The following CEP295 variants were observed in gnomAD, a reference collection of about 807,000 sequenced individuals.
CEP295 encodes the protein centrosomal protein of 295 kDa.
A neutral mutation model predicts 291.6 loss-of-function variants in CEP295; 190 were observed. That is an observed-to-expected ratio of 0.65 (90% CI 0.58 to 0.73). CEP295 has a LOEUF of 0.73. Among genes scored for constraint, CEP295 ranks in the 30% least tolerant of loss-of-function variants. CEP295 has a pLI of 0.00. For missense variants in CEP295, 2,863 were observed against 2,949.4 expected (o/e 0.97, Z 0.68); for synonymous variants, 993 against 1,038.8 (o/e 0.96, Z 0.85).
chr11:93,680,442 C>G (rs917728828), intron 7 of CEP295, among the ~76,000 whole-genome samples: 1 of 151,860 alleles, frequency 6.6e-6, no homozygotes, highest in Non-Finnish European at 1.5e-5. Context: ...CTGTCTTTAC[C>G]AAAATTCCAA....
intron 18 of CEP295, among the ~76,000 whole-genome samples, chr11:93,717,369 G>T (rs545187663): frequency 6.6e-6 from 1 of 152,184 alleles, no homozygotes; most frequent in East Asian, 1.9e-4. Flanking sequence ...AAAGCTGAGC[G>T]TCTGACCTGT....
intron 15 of CEP295, among the ~76,000 whole-genome samples, chr11:93,701,819 G>T (rs1952181091): frequency 6.6e-6 from 1 of 151,996 alleles, no homozygotes; most frequent in South Asian, 2.1e-4. Context: ...GCCCAGGCTG[G>T]TTTCAATCTC....
chr11:93,684,136 C>T lies in CEP295; in HGVS notation c.1114+8C>T. 3 of 1,548,086 alleles carry T rather than the reference C, an allele frequency of 1.9e-6. No individual in the cohort carries two copies. The highest frequency in any genetic ancestry group is 2.4e-5 in the East Asian group (1 of 40,866). On this transcript the variant is annotated splice_region_variant and intron_variant, in intron 9 of 29. Transcript: ENST00000325212. ...GTTCTAGTGAAACAGATGGTAAAAA[C>T]CCTTCTGAGCTAAATATTACAGTAT...
In CEP295 at chr11:93,725,748, T is replaced by G; in HGVS notation, c.6416T>G (p.Leu2139Arg). The change falls in exon 23 of 30, where the codon CTT becomes CGT. Residue 2139 changes from leucine to arginine, a missense_variant. Physicochemically the swap from Leu to Arg is moderately radical, Grantham distance 102. Coordinates refer to ENST00000325212, the MANE Select transcript of CEP295 (RefSeq NM_033395.2). Reference sequence around the variant, plus strand: ...AGGAGGACCAGCATGCATTCTTCTCTTAACACAAGTCCGAATCAACAACCT... The same window carrying G: ...AGGAGGACCAGCATGCATTCTTCTCGTAACACAAGTCCGAATCAACAACCT... ...ALRRTSMHSSLNTSPNQQPDT... is the reference protein window; with the variant it reads ...ALRRTSMHSSRNTSPNQQPDT... 6.4e-7 allele frequency: 1 copy of G among 1,551,832 alleles called. No individual in the cohort carries two copies. Among genetic ancestry groups the G allele is most frequent in the Non-Finnish European group, 8.7e-7 (1 of 1,147,002 alleles).
intron 11 of CEP295, 40 bp from the exon 12 acceptor site, chr11:93,691,887 A>G (rs1192907164): frequency 1.4e-6 from 2 of 1,394,102 alleles, no homozygotes; most frequent in African/African-American, 2.9e-5. Flanking sequence ...TCAAAATTCT[A>G]AATTATTGAA....
At position 93,697,600 on chromosome 11, in the gene CEP295, A is replaced by G; in HGVS notation, c.2688A>G (p.Ser896=). ...SVFLPLVTPD[S]SALLPSAKAD... ...TCCTTCCCTTGGTAACTCCAGATTC[A>G]TCTGCTTTATTGCCTTCTGCCAAAG... The change falls in exon 15 of 30, where the codon TCA becomes TCG. Residue 896 remains serine, a synonymous_variant. Transcript: ENST00000325212. 2 of 1,551,850 alleles carry G rather than the reference A, an allele frequency of 1.3e-6. No individual in the cohort carries two copies. The highest frequency in any genetic ancestry group is 1.2e-5 in the South Asian group (1 of 84,064).
intron 2 of CEP295, 67 bp from the exon 3 acceptor site, chr11:93,667,539 CA>C: frequency 8.6e-7 from 1 of 1,162,926 alleles, no homozygotes; most frequent in Non-Finnish European, 1.2e-6. Context: ...TTCCTCTTTC[CA>C]AATAGCTTTT....
Position 93,698,517 on chromosome 11 carries a change from C to T in CEP295, c.3605C>T (p.Thr1202Ile). 2 of 1,552,088 alleles carry T rather than the reference C, an allele frequency of 1.3e-6. No individual in the cohort carries two copies. The highest frequency in any genetic ancestry group is 1.2e-5 in the South Asian group (1 of 84,062). ...ELEKRISSEQ[T>I]GTSSSLSQVD... ...GAGAAAAGAATTTCTTCTGAACAGA[C>T]TGGCACCTCCTCATCCCTTTCCCAG... Residue 1202 changes from threonine to isoleucine, a missense_variant, in exon 15 of 30, where the codon ACT (threonine) becomes ATT (isoleucine). Physicochemically the swap from Thr to Ile is moderately conservative, Grantham distance 89. This residue lies in a region of CEP295 where 2,295 missense variants were observed against 2,335.7 expected (regional missense o/e 0.98). Transcript: ENST00000325212.
At chr11:93,729,994 T>C in intron 28 of CEP295, 25 bp downstream of exon 28, 2 of 1,492,368 alleles carry the variant, frequency 1.3e-6, no homozygotes, top group South Asian at 1.3e-5. Context: ...TTTTTTTTTT[T>C]TAGTGATTCA....
chr11:93,696,833 A>C lies in CEP295; in HGVS notation c.1921A>C (p.Ile641Leu). Residue 641 changes from isoleucine (I) to leucine (L), a missense_variant, in exon 15 of 30, where the codon ATA (isoleucine) becomes CTA (leucine). This residue lies in a region of CEP295 where 2,295 missense variants were observed against 2,335.7 expected (regional missense o/e 0.98). Coordinates refer to ENST00000325212, the MANE Select transcript of CEP295 (RefSeq NM_033395.2). The stretch of plus-strand genomic sequence containing the variant: ...ATGGAAATCTGAGAGACCGACTGCT[A>C]TATCAGAGCATTGGGATCAAGGTCA... ...PSWKSERPTA[I>L]SEHWDQGQRL... 1 of 1,551,724 alleles carries C rather than the reference A, an allele frequency of 6.4e-7. No individual in the cohort carries two copies. The highest frequency in any genetic ancestry group is 8.7e-7 in the Non-Finnish European group (1 of 1,146,980).
intron 1 of CEP295, among the ~76,000 whole-genome samples, chr11:93,663,513 T>A (rs990920206): frequency 1.1e-4 from 17 of 152,194 alleles, no homozygotes; most frequent in African/African-American, 4.1e-4. Context: ...TAGACATTAG[T>A]GTGATAATTG....
At chr11:93,707,221 A>G (rs1952564073) in intron 18 of CEP295, among the ~76,000 whole-genome samples, 1 of 152,314 alleles carries the variant, frequency 6.6e-6, no homozygotes, top group South Asian at 2.1e-4. Flanking sequence ...TAAAAATTCT[A>G]TCTGTGGGCA....
Position 93,685,949 on chromosome 11 carries a change from C to T in CEP295, c.1115-1695C>T, listed in dbSNP as rs1165364971. Among the ~76,000 whole-genome samples, 4 of 151,778 alleles carry T rather than the reference C, an allele frequency of 2.6e-5. No homozygotes were observed. The East Asian group carries it at 8.0e-4, about 30-fold the overall frequency. On this transcript the variant is annotated intron_variant, in intron 9 of 29. Transcript: ENST00000325212. ...TGGTCTCGAACTCCTGACCTTGTGA[C>T]CCGCCCACCTCTGCCTCCCAAAGTG...
At chr11:93,683,305 C>A (rs116867251) in intron 7 of CEP295, among the ~76,000 whole-genome samples, 4,181 of 152,316 alleles carry the variant, frequency 0.027, 70 homozygotes, top group Middle Eastern at 0.062. Flanking sequence ...ATTGTACTTA[C>A]TAACATAACA....
In CEP295 at chr11:93,697,731, C is replaced by A; in HGVS notation, c.2819C>A (p.Ser940Ter). 6.4e-7 allele frequency: 1 copy of A among 1,551,664 alleles called. No individual in the cohort carries two copies. Among genetic ancestry groups the A allele is most frequent in the South Asian group, 1.2e-5 (1 of 84,040 alleles). ...SQLQDKRLSL[S>*]QPILSQQNNF... The stretch of plus-strand genomic sequence containing the variant: ...CTTCAGGATAAGCGTTTGAGTCTTT[C>A]ACAGCCTATCCTATCACAGCAAAAT... Residue 940 changes from serine (S) to a stop codon, truncating the protein, a stop_gained, in exon 15 of 30, where the codon TCA (serine) becomes TAA (stop). Coordinates refer to ENST00000325212, the MANE Select transcript of CEP295 (RefSeq NM_033395.2). LOFTEE classifies it high-confidence loss of function.
At chr11:93,725,907 C>A in intron 23 of CEP295, 76 bp downstream of exon 23, 1 of 1,289,358 alleles carries the variant, frequency 7.8e-7, no homozygotes, top group Non-Finnish European at 1.1e-6. Flanking sequence ...TTAAGCCTAG[C>A]ACCTCTTGGT....
Position 93,721,392 on chromosome 11 carries a change from A to G in CEP295, c.5830A>G (p.Thr1944Ala), listed in dbSNP as rs753194340. Residue 1944 changes from threonine to alanine, a missense_variant, in exon 19 of 30, where the codon ACT becomes GCT. This residue lies in a region of CEP295 where 2,295 missense variants were observed against 2,335.7 expected (regional missense o/e 0.98). Transcript: ENST00000325212. Reference protein sequence around the residue: ...VEEEHAYLGPTVKPDDKAKTL... With the variant: ...VEEEHAYLGPAVKPDDKAKTL... Reference sequence around the variant, plus strand: ...GGAAGAACATGCATATTTGGGTCCAACTGTGAAGCCAGATGATAAGGTTAG... The same window carrying G: ...GGAAGAACATGCATATTTGGGTCCAGCTGTGAAGCCAGATGATAAGGTTAG... 7.5e-6 allele frequency: 12 copies of G among 1,589,906 alleles called. No individual in the cohort carries two copies. Among genetic ancestry groups the G allele is most frequent in the African/African-American group, 1.3e-5 (1 of 74,364 alleles).
chr11:93,706,004 T>C (rs534526457), intron 17 of CEP295, among the ~76,000 whole-genome samples: 5 of 152,310 alleles, frequency 3.3e-5, no homozygotes, highest in East Asian at 1.9e-4. Flanking sequence ...GATTTCCTTA[T>C]GGCATTCTGT....
At chr11:93,674,651 G>A (rs1184025549) in intron 5 of CEP295, among the ~76,000 whole-genome samples, 4 of 152,140 alleles carry the variant, frequency 2.6e-5, no homozygotes, top group Admixed American at 1.3e-4. Flanking sequence ...TGAGAAAGCC[G>A]AGGGACAGAA....
Sources: gnomAD v4.1 joint callset for allele counts (sites outside exome capture counted in the v4.1 genomes callset) on GRCh38, gnomAD v4.1.1 for gene constraint, gnomAD v4.1.1 regional missense constraint, MANE v1.5 for transcripts, NCBI Gene and HGNC (gene_info 2026-07-23, HGNC 2026-07-21) for gene names.